PPCDC: variants seen among roughly 807,000 people sequenced by gnomAD.
The protein encoded by PPCDC is phosphopantothenoylcysteine decarboxylase.
In PPCDC, 20 loss-of-function variants were observed where a neutral mutation model predicts 20.7. That is an observed-to-expected ratio of 0.97 (90% confidence interval 0.68 to 1.41). The LOEUF (loss-of-function observed/expected upper bound fraction) is 1.41, where lower values mean the gene tolerates loss of function less well. Ranked by LOEUF, PPCDC falls within the 40% of genes most tolerant of loss-of-function variation. PPCDC has a pLI of 0.00. For synonymous variants in PPCDC, 88 were observed against 100.3 expected (o/e 0.88, Z 0.73); for missense variants, 246 against 263.8 (o/e 0.93, Z 0.47).
chr15:75,036,826 G>T (rs1292442579), intron 2 of PPCDC, among the ~76,000 whole-genome samples: 1 of 151,972 alleles, frequency 6.6e-6, no homozygotes, highest in African/African-American at 2.4e-5. Context: ...TTTATTGATG[G>T]ATGATTGATT....
At chr15:75,032,732 C>A (rs955752305) in intron 2 of PPCDC, among the ~76,000 whole-genome samples, 9 of 132,102 alleles carry the variant, frequency 6.8e-5, no homozygotes, top group African/African-American at 2.7e-4. Flanking sequence ...GGACCCCCCC[C>A]CCCAAGGCCA....
In PPCDC at chr15:75,028,384, G is replaced by T. The variant is rs34029958; in HGVS notation, c.66G>T (p.Val22=). 6,564 of 1,614,192 alleles carry T rather than the reference G, an allele frequency of 4.1e-3. 201 individuals carry two copies. The African/African-American group carries it at 0.072, about 18-fold the overall frequency. Residue 22 remains valine, a synonymous_variant, in exon 2 of 6, where the codon GTG becomes GTT. Coordinates refer to ENST00000342932, the MANE Select transcript of PPCDC (RefSeq NM_021823.5). ...TGGAGAGAAAATTCCATGTTCTTGT[G>T]GGTGTCACGGGGAGTGTCGCAGCCC... ...PLMERKFHVL[V]GVTGSVAALK... is the part of the protein sequence containing the mutation.
intron 2 of PPCDC, among the ~76,000 whole-genome samples, chr15:75,039,800 T>C (rs535354276): frequency 5.9e-5 from 9 of 151,996 alleles, no homozygotes; most frequent in African/African-American, 2.2e-4. Context: ...TTTTTTTTTT[T>C]TGAGATGGAG....
intron 1 of PPCDC, among the ~76,000 whole-genome samples, chr15:75,024,463 T>G (rs1219186305): frequency 2.6e-5 from 4 of 151,768 alleles, no homozygotes; most frequent in Admixed American, 6.6e-5. Flanking sequence ...TCCTCCTGCC[T>G]CAGCCTCCTG....
rs147444136 is a variant in PPCDC, at chr15:75,033,369, C to G, written c.135+4916C>G. ...CTGATTCCTTCTGTGTGTTCTTATA[C>G]TGAGTTACTGCACACAGTTTTTTCC... is the stretch of plus-strand genomic sequence containing the variant. On this transcript the variant is annotated intron_variant, in intron 2 of 5. Transcript: ENST00000342932. Among the ~76,000 whole-genome samples the G allele has an allele frequency of 8.7e-3, 1,323 of 152,304 alleles. 10 individuals are homozygous for G. Among genetic ancestry groups the G allele is most frequent in the Non-Finnish European group, 0.013 (903 of 68,032 alleles).
At chr15:75,045,445 A>G (rs1262759187) in intron 4 of PPCDC, among the ~76,000 whole-genome samples, 2 of 152,234 alleles carry the variant, frequency 1.3e-5, no homozygotes, top group African/African-American at 2.4e-5. Flanking sequence ...TAGACATCCA[A>G]TAAATACTTA....
chr15:75,036,514 G>A (rs1053482073), intron 2 of PPCDC, among the ~76,000 whole-genome samples: 5 of 152,270 alleles, frequency 3.3e-5, no homozygotes, highest in South Asian at 2.1e-4. Context: ...CATACTCTTC[G>A]CATTACTCCT....
intron 4 of PPCDC, 119 bp downstream of exon 4, chr15:75,044,633 C>T (rs568862577): frequency 3.3e-5 from 44 of 1,339,716 alleles, no homozygotes; most frequent in Admixed American, 7.5e-5. Flanking sequence ...CCAGGGAGAT[C>T]GTGCTCCGCC....
chr15:75,027,374 A>C (rs1235997052), intron 1 of PPCDC, among the ~76,000 whole-genome samples: 1 of 152,150 alleles, frequency 6.6e-6, no homozygotes. Context: ...TCATGAGTGC[A>C]CACTTCTAGC....
At chr15:75,043,046 T>C (rs939160525) in intron 2 of PPCDC, among the ~76,000 whole-genome samples, 10 of 152,246 alleles carry the variant, frequency 6.6e-5, no homozygotes, top group Non-Finnish European at 1.3e-4. Context: ...TCAGGACCTA[T>C]GAGCCTCCTT....
At chr15:75,035,990 A>G (rs1245103679) in intron 2 of PPCDC, among the ~76,000 whole-genome samples, 1 of 151,894 alleles carries the variant, frequency 6.6e-6, no homozygotes, top group Non-Finnish European at 1.5e-5. Context: ...AAAAGGAAAA[A>G]AACTTTTTTC....
At position 75,043,245 on chromosome 15, in the gene PPCDC, GA is replaced by G. The variant is rs1156256076; in HGVS notation, c.136-195del. 5 of 541,552 alleles carry G rather than the reference GA, an allele frequency of 9.2e-6. No homozygotes were observed. In the African/African-American group the frequency reaches 9.6e-5, roughly 10 times the overall value. The allele number at this position is 541,552 out of a possible 1,614,324, so 33.5% of individuals were successfully genotyped here. A position where few individuals can be genotyped will look rare whatever the true frequency, so the allele number is the denominator to read the frequency against. ...ATAGGGAAGTGAAACAGCCACACCTGATAGGGCCTGACCTTTGGGTGACAGC... is the reference window on the plus strand; with the variant it reads ...ATAGGGAAGTGAAACAGCCACACCTGTAGGGCCTGACCTTTGGGTGACAGC... On this transcript the variant is annotated intron_variant, in intron 2 of 5. Transcript: ENST00000342932.
At chr15:75,046,787 C>G (rs560628764) in intron 4 of PPCDC, among the ~76,000 whole-genome samples, 4 of 152,384 alleles carry the variant, frequency 2.6e-5, no homozygotes, top group South Asian at 2.1e-4. Flanking sequence ...GTGAGGGCAG[C>G]ATGCTAGGTG....
Position 75,043,423 on chromosome 15 carries a change from C to A in PPCDC, c.136-18C>A. ...GTTTCTTCCTCCCTCCCCGCCACCC[C>A]CTTCTTCTTGGTGACAGCTGGAAGT... On this transcript the variant is annotated intron_variant, in intron 2 of 5. Transcript: ENST00000342932. 1 of 1,601,442 alleles carries A rather than the reference C, an allele frequency of 6.2e-7. No homozygotes were observed. Among genetic ancestry groups the A allele is most frequent in the Non-Finnish European group, 8.5e-7 (1 of 1,172,150 alleles).
intron 4 of PPCDC, among the ~76,000 whole-genome samples, chr15:75,046,215 CAAAA>C (rs2066231745): frequency 6.6e-6 from 1 of 152,028 alleles, no homozygotes; most frequent in Non-Finnish European, 1.5e-5. Context: ...GACTCTGTCT[CAAAA>C]AAACAAAAAG....
At chr15:75,030,878 G>A (rs1010146249) in intron 2 of PPCDC, among the ~76,000 whole-genome samples, 4 of 152,118 alleles carry the variant, frequency 2.6e-5, no homozygotes, top group African/African-American at 7.2e-5. Context: ...CGGGAAAGCC[G>A]CTAATGTCAA....
intron 2 of PPCDC, among the ~76,000 whole-genome samples, chr15:75,029,973 A>G (rs981460983): frequency 1.3e-5 from 2 of 152,008 alleles, no homozygotes; most frequent in Non-Finnish European, 2.9e-5. Flanking sequence ...GTTTGGTGGG[A>G]GGGGGGTTGT....
intron 2 of PPCDC, among the ~76,000 whole-genome samples, chr15:75,034,194 G>A (rs558035320): frequency 6.6e-6 from 1 of 152,312 alleles, no homozygotes; most frequent in African/African-American, 2.4e-5. Context: ...AGCAGAACTG[G>A]GGGCTTGAGG....
chr15:75,047,925 G>A (rs1044778001), intron 4 of PPCDC, among the ~76,000 whole-genome samples: 1 of 152,340 alleles, frequency 6.6e-6, no homozygotes, highest in African/African-American at 2.4e-5. Flanking sequence ...TTGGTGGGAC[G>A]GCCTGGATTT....
Sources: gnomAD v4.1 joint callset for allele counts (sites outside exome capture counted in the v4.1 genomes callset) on GRCh38, gnomAD v4.1.1 for gene constraint, MANE v1.5 for transcripts, NCBI Gene and HGNC (gene_info 2026-07-23, HGNC 2026-07-21) for gene names.